The following CAPN3 variants were observed in gnomAD, a reference collection of about 807,000 sequenced individuals.
CAPN3 encodes the protein calpain-3.
CAPN3 carries 88 observed loss-of-function variants against 114.0 expected under a neutral mutation model. That is an observed-to-expected ratio of 0.77 (90% CI 0.65 to 0.92). CAPN3 has a LOEUF of 0.92. CAPN3 is among the 40% of genes least tolerant of loss of function. CAPN3 has a pLI of 0.00. For synonymous variants in CAPN3, 386 were observed against 382.9 expected (o/e 1.01, Z -0.09); for missense variants, 1,028 against 1,069.0 (o/e 0.96, Z 0.53).
chr15:42,369,871 T>C (rs1199668469), intron 1 of CAPN3, among the ~76,000 whole-genome samples: 1 of 78,800 alleles, frequency 1.3e-5, no homozygotes, highest in Non-Finnish European at 2.1e-5. Flanking sequence ...TCTTTCTTTC[T>C]TTTTTTTTTT....
intron 8 of CAPN3, among the ~76,000 whole-genome samples, chr15:42,396,390 C>G (rs1339104476): frequency 6.6e-6 from 1 of 151,964 alleles, no homozygotes; most frequent in African/African-American, 2.4e-5. Context: ...CTATAGGTGC[C>G]CGCCACCACG....
At position 42,411,892 on chromosome 15, in the gene CAPN3, A is replaced by C; in HGVS notation, c.*119A>C. The C allele has an allele frequency of 1.3e-6, 2 of 1,587,670 alleles. No homozygotes were observed. The highest frequency in any genetic ancestry group is 1.8e-5 in the Admixed American group (1 of 54,928). On this transcript the variant is annotated 3_prime_UTR_variant, in exon 24 of 24. Coordinates refer to ENST00000397163, the MANE Select transcript of CAPN3 (RefSeq NM_000070.3). ...GCTACACCCCTACAGGCTTCCAGGCACCTCATCAGTCATGCTCCTCCTCCA... is the reference window on the plus strand; with the variant it reads ...GCTACACCCCTACAGGCTTCCAGGCCCCTCATCAGTCATGCTCCTCCTCCA...
intron 1 of CAPN3, among the ~76,000 whole-genome samples, chr15:42,375,246 AGGT>A (rs1233099866): frequency 2.0e-5 from 3 of 151,894 alleles, no homozygotes; most frequent in African/African-American, 7.3e-5. Context: ...GTTCTGTGGA[AGGT>A]GGTGAACAGT....
In CAPN3 at chr15:42,403,858, G is replaced by C. The variant is rs2053945168; in HGVS notation, c.1782+81G>C. 3 of 1,242,168 alleles carry C rather than the reference G, an allele frequency of 2.4e-6. No individual in the cohort carries two copies. In the South Asian group the frequency reaches 3.6e-5, roughly 15 times the overall value. The allele number at this position is 1,242,168 out of a possible 1,614,324, so 76.9% of individuals were successfully genotyped here. A position where few individuals can be genotyped will look rare whatever the true frequency, so the allele number is the denominator to read the frequency against. ...TGCAGGGGACAGATGGTGCAGGGGA[G>C]AATGGGCACTGGCAGAGGGAATGGG... On this transcript the variant is annotated intron_variant, in intron 14 of 23. Coordinates refer to ENST00000397163, the MANE Select transcript of CAPN3 (RefSeq NM_000070.3).
intron 9 of CAPN3, among the ~76,000 whole-genome samples, chr15:42,398,905 C>T (rs1311952019): frequency 6.6e-6 from 1 of 151,344 alleles, no homozygotes; most frequent in African/African-American, 2.4e-5. Context: ...CTGCCTCAGC[C>T]TCCCAAGTAA....
At chr15:42,402,416 C>T (rs2053898685) in intron 12 of CAPN3, 12 of 1,438,018 alleles carry the variant, frequency 8.3e-6, no homozygotes, top group African/African-American at 1.4e-5. Flanking sequence ...CAGCCACACA[C>T]ACAGTCACAC....
chr15:42,381,214 C>T (rs1001009541), intron 1 of CAPN3, among the ~76,000 whole-genome samples: 1 of 152,060 alleles, frequency 6.6e-6, no homozygotes. Flanking sequence ...TATTTCCTCT[C>T]CAGTGCTCTT....
chr15:42,384,830 G>A (rs1455106313), intron 2 of CAPN3, among the ~76,000 whole-genome samples: 1 of 152,178 alleles, frequency 6.6e-6, no homozygotes. Context: ...ACCCCACTCA[G>A]CATGACAAAA....
chr15:42,409,433 T>G (rs1442265202), intron 17 of CAPN3, 53 bp downstream of exon 17: 1 of 1,469,604 alleles, frequency 6.8e-7, no homozygotes, highest in Non-Finnish European at 9.5e-7. Flanking sequence ...TCTCCTGGAT[T>G]AACTGCTCAG....
intron 1 of CAPN3, among the ~76,000 whole-genome samples, chr15:42,373,463 A>G (rs531385088): frequency 2.3e-4 from 35 of 152,342 alleles, no homozygotes; most frequent in Admixed American, 5.2e-4. Flanking sequence ...CTAGCGGGCA[A>G]GCTGCCAGGC....
At chr15:42,369,166 G>A (rs767632334) in intron 1 of CAPN3, among the ~76,000 whole-genome samples, 9 of 152,148 alleles carry the variant, frequency 5.9e-5, no homozygotes, top group African/African-American at 9.7e-5. Flanking sequence ...GTCTCTGGTT[G>A]GAGGGGAGGT....
intron 1 of CAPN3, among the ~76,000 whole-genome samples, chr15:42,383,183 G>A (rs904873534): frequency 1.3e-5 from 2 of 152,188 alleles, no homozygotes; most frequent in African/African-American, 4.8e-5. Flanking sequence ...CAGCTCACTT[G>A]GGTATATTGG....
At chr15:42,368,578 A>G (rs1377400355) in intron 1 of CAPN3, among the ~76,000 whole-genome samples, 1 of 152,244 alleles carries the variant, frequency 6.6e-6, no homozygotes, top group Non-Finnish European at 1.5e-5. Flanking sequence ...TTGGTTGATG[A>G]AAATGTGACC....
rs2053910492 is a variant in CAPN3, at chr15:42,402,805, C to G, written c.1548C>G (p.Asn516Lys). 1 of 1,614,038 alleles carries G rather than the reference C, an allele frequency of 6.2e-7. No homozygotes were observed. The highest frequency in any genetic ancestry group is 1.1e-5 in the South Asian group (1 of 91,084). Residue 516 changes from asparagine (N) to lysine (K), a missense_variant, in exon 13 of 24, where the codon AAC (asparagine) becomes AAG (lysine). Coordinates refer to ENST00000397163, the MANE Select transcript of CAPN3 (RefSeq NM_000070.3). ...TCCCCATCTCTCAGATGCACGGGAA[C>G]AAGCAGCACCTGCAGAAGGACTTCT... is the stretch of plus-strand genomic sequence containing the variant. ...IYEVPKEMHG[N>K]KQHLQKDFFL... is the part of the protein sequence containing the mutation.
chr15:42,384,326 C>T (rs1430090395), intron 1 of CAPN3, among the ~76,000 whole-genome samples, 157 bp from the exon 2 acceptor site: 1 of 152,186 alleles, frequency 6.6e-6, no homozygotes, highest in Non-Finnish European at 1.5e-5. Flanking sequence ...GCAGGAGAAT[C>T]ACTTGAACCC....
At chr15:42,397,063 C>A (rs2053715081) in intron 9 of CAPN3, among the ~76,000 whole-genome samples, 186 bp downstream of exon 9, 3 of 152,210 alleles carry the variant, frequency 2.0e-5, no homozygotes, top group African/African-American at 7.2e-5. Context: ...ACAGGGACAA[C>A]TGAGCCCAGG....
chr15:42,405,852 G>T, intron 14 of CAPN3, 74 bp from the exon 15 acceptor site: 1 of 1,246,358 alleles, frequency 8.0e-7, no homozygotes. Context: ...ATACAGGGAA[G>T]CCAAAAGCCA....
In CAPN3 at chr15:42,402,972, G is replaced by C. The variant is rs121434544; in HGVS notation, c.1715G>C (p.Arg572Pro). Residue 572 changes from arginine to proline, a missense_variant, in exon 13 of 24, where the codon CGG becomes CCG. By Grantham distance (103) the Arg-to-Pro change is moderately radical. Transcript: ENST00000397163. ...EPHQEGEFIL[R>P]VFSEKRNLSE... is the part of the protein sequence containing the mutation. ...CACCAGGAGGGGGAATTCATCCTCC[G>C]GGTCTTCTCTGAAAAGAGGAACCTC... 2 of 1,614,078 alleles carry C rather than the reference G, an allele frequency of 1.2e-6. No homozygotes were observed. The highest frequency in any genetic ancestry group is 1.7e-6 in the Non-Finnish European group (2 of 1,179,962).
intron 19 of CAPN3, 26 bp from the exon 20 acceptor site, chr15:42,410,402 G>A (rs753484613): frequency 1.9e-5 from 30 of 1,611,650 alleles, no homozygotes; most frequent in Middle Eastern, 1.7e-4. Context: ...GCTGTGTGCT[G>A]TGTAGCCCTG....
Sources: gnomAD v4.1 joint callset for allele counts (sites outside exome capture counted in the v4.1 genomes callset) on GRCh38, gnomAD v4.1.1 for gene constraint, MANE v1.5 for transcripts, NCBI Gene and HGNC (gene_info 2026-07-23, HGNC 2026-07-21) for gene names.